PITPNA: variants seen among roughly 807,000 people sequenced by gnomAD.
The protein encoded by PITPNA is phosphatidylinositol transfer protein alpha.
Under a neutral mutation model 50.3 loss-of-function variants are expected in PITPNA, and 13 were observed. The observed-to-expected ratio is 0.26, with a 90% CI of 0.17 to 0.41. PITPNA has a LOEUF of 0.41. Ranked by LOEUF, PITPNA falls within the 10% of genes least tolerant of loss-of-function variation. The probability of loss-of-function intolerance (pLI) is 1.00; values close to 1 mark genes in which losing one functional copy is unlikely to be tolerated. For synonymous variants in PITPNA, 120 were observed against 119.6 expected (o/e 1.00, Z -0.02); for missense variants, 207 against 333.4 (o/e 0.62, Z 2.95).
intron 3 of PITPNA, among the ~76,000 whole-genome samples, chr17:1,548,745 C>T (rs904152905): frequency 1.3e-5 from 2 of 152,156 alleles, no homozygotes; most frequent in Non-Finnish European, 2.9e-5. Context: ...TGCCTCCAAG[C>T]ATGAACCAGT....
chr17:1,551,756 G>A (rs1475453404), intron 3 of PITPNA, among the ~76,000 whole-genome samples: 2 of 152,366 alleles, frequency 1.3e-5, no homozygotes, highest in Admixed American at 6.5e-5. Flanking sequence ...GGAGCAAAAC[G>A]AGACATGGAG....
At chr17:1,547,705 G>A (rs2075683965) in intron 4 of PITPNA, among the ~76,000 whole-genome samples, 1 of 151,310 alleles carries the variant, frequency 6.6e-6, no homozygotes, top group African/African-American at 2.4e-5. Flanking sequence ...TCGAGAAAAT[G>A]TGTCTGGGCT....
At chr17:1,533,360 C>T (rs1196264716) in intron 10 of PITPNA, among the ~76,000 whole-genome samples, 3 of 152,144 alleles carry the variant, frequency 2.0e-5, no homozygotes, top group Non-Finnish European at 4.4e-5. Context: ...CAGCATTGAG[C>T]TCTCAGAGCC....
At chr17:1,548,423 G>A (rs1196006678) in intron 3 of PITPNA, 36 bp from the exon 4 acceptor site, 2 of 1,433,822 alleles carry the variant, frequency 1.4e-6, no homozygotes, top group East Asian at 2.3e-5. Flanking sequence ...AAAGAGAAAT[G>A]GTAGAGAGAA....
chr17:1,530,883 G>A (rs2075578169), intron 10 of PITPNA, among the ~76,000 whole-genome samples: 1 of 152,170 alleles, frequency 6.6e-6, no homozygotes, highest in Admixed American at 6.5e-5. Flanking sequence ...AGGAGCTGCA[G>A]GTTCTGCAAA....
chr17:1,525,508 T>TC (rs1367689504), intron 10 of PITPNA, among the ~76,000 whole-genome samples: 1 of 145,682 alleles, frequency 6.9e-6, no homozygotes, highest in East Asian at 2.0e-4. Flanking sequence ...GGGAAACTTT[T>TC]TTTTTTTTTT....
intron 3 of PITPNA, among the ~76,000 whole-genome samples, chr17:1,551,024 G>A (rs8076213): frequency 7.1e-6 from 1 of 140,364 alleles, no homozygotes; most frequent in Non-Finnish European, 1.6e-5. Context: ...CGGAGTCAGC[G>A]GGACCTGATG....
At position 1,535,563 on chromosome 17, in the gene PITPNA, G is replaced by C. The variant is rs749096895; in HGVS notation, c.457-45C>G. The C allele has an allele frequency of 8.3e-6, 10 of 1,206,156 alleles. No homozygotes were observed. In the Middle Eastern group the frequency reaches 1.9e-3, roughly 226 times the overall value. 74.7% of individuals were successfully genotyped at this position (1,206,156 alleles called of 1,614,324 possible). ...TGGGGTTGGAGGGGAGTGGGAGAGG[G>C]AGTGAGAGATGGGGAGAACAGATCT... On this transcript the variant is annotated intron_variant, in intron 7 of 11. Coordinates refer to ENST00000313486, the MANE Select transcript of PITPNA (RefSeq NM_006224.4).
intron 6 of PITPNA, among the ~76,000 whole-genome samples, chr17:1,540,062 C>A (rs577147119): frequency 1.8e-4 from 28 of 152,206 alleles, no homozygotes; most frequent in African/African-American, 5.6e-4. Context: ...TGAGGGTAAA[C>A]GTCACTTCTG....
chr17:1,534,972 A>AC (rs1300770935), intron 9 of PITPNA, among the ~76,000 whole-genome samples: 42 of 151,664 alleles, frequency 2.8e-4, no homozygotes, highest in African/African-American at 9.7e-4. Flanking sequence ...TGGGCCAAAC[A>AC]CCCCCCACCG....
chr17:1,543,464 G>T (rs1016772557), intron 4 of PITPNA, among the ~76,000 whole-genome samples: 1 of 152,082 alleles, frequency 6.6e-6, no homozygotes, highest in South Asian at 2.1e-4. Flanking sequence ...CCTTCCTCTC[G>T]CTGTAATCAA....
rs2075500876 is a variant in PITPNA, at chr17:1,520,099, C to T, written c.*462G>A. 6.6e-6 allele frequency: 1 copy of T among 152,172 alleles called. No individual in the cohort carries two copies. The highest frequency in any genetic ancestry group is 6.5e-5 in the Admixed American group (1 of 15,272). 9.4% of individuals were successfully genotyped at this position (152,172 alleles called of 1,614,324 possible). The stretch of plus-strand genomic sequence containing the variant: ...ATCTTTAGCTCATCCCCGCTCCCCA[C>T]AGGAGCACTCAAAATTGCGAAGATC... On this transcript the variant is annotated 3_prime_UTR_variant, in exon 12 of 12. Coordinates refer to ENST00000313486, the MANE Select transcript of PITPNA (RefSeq NM_006224.4).
At chr17:1,526,682 C>A (rs2075550213) in intron 10 of PITPNA, among the ~76,000 whole-genome samples, 1 of 152,176 alleles carries the variant, frequency 6.6e-6, no homozygotes, top group Non-Finnish European at 1.5e-5. Flanking sequence ...AAGATGCAAC[C>A]TCCTACCAGG....
At chr17:1,546,978 T>C (rs2075677976) in intron 4 of PITPNA, among the ~76,000 whole-genome samples, 1 of 152,178 alleles carries the variant, frequency 6.6e-6, no homozygotes, top group African/African-American at 2.4e-5. Flanking sequence ...TGGAATACTA[T>C]GCAGCTATTA....
At chr17:1,561,825 C>T (rs924593010) in intron 1 of PITPNA, among the ~76,000 whole-genome samples, 2 of 152,154 alleles carry the variant, frequency 1.3e-5, no homozygotes, top group African/African-American at 4.8e-5. Flanking sequence ...TCACCCGATG[C>T]CTAAGGCGGC....
intron 7 of PITPNA, among the ~76,000 whole-genome samples, chr17:1,536,894 A>AG: frequency 1.0e-5 from 1 of 98,328 alleles, no homozygotes. Flanking sequence ...TGTCCGGCCG[A>AG]TTTTTTTTTT....
chr17:1,535,697 G>A (rs2075611586), intron 7 of PITPNA, 179 bp from the exon 8 acceptor site: 3 of 608,348 alleles, frequency 4.9e-6, no homozygotes, highest in Non-Finnish European at 8.8e-6. Flanking sequence ...TCAGAGGAGA[G>A]TTCTATGTGA....
Position 1,538,881 on chromosome 17 carries a change from T to C in PITPNA, c.444A>G (p.Gln148=). The C allele has an allele frequency of 6.2e-7, 1 of 1,612,506 alleles. No individual in the cohort carries two copies. Among genetic ancestry groups the C allele is most frequent in the Non-Finnish European group, 8.5e-7 (1 of 1,178,548 alleles). Residue 148 remains glutamine (Q), a synonymous_variant, in exon 7 of 12, where the codon CAA becomes CAG. Transcript: ENST00000313486. ...AVYIDIADRS[Q]VLSKDYKAEE... is the part of the protein sequence containing the mutation. ...AAACGGATCCTACCTTGCTGAGCACTTGGCTTCGATCTGCAATGTCTATAT... is the reference window on the plus strand; with the variant it reads ...AAACGGATCCTACCTTGCTGAGCACCTGGCTTCGATCTGCAATGTCTATAT...
rs368931026 is a variant in PITPNA, at chr17:1,521,581, T to A, written c.*20A>T. The stretch of plus-strand genomic sequence containing the variant: ...ACAGTGAGAAATTTGGTACGTACAG[T>A]GCAGAGGGGAAAGGCGGCTTTAGTC... On this transcript the variant is annotated splice_region_variant and 3_prime_UTR_variant, in exon 11 of 12. Transcript: ENST00000313486. The A allele has an allele frequency of 2.5e-6, 4 of 1,608,320 alleles. No homozygotes were observed. Among genetic ancestry groups the A allele is most frequent in the Non-Finnish European group, 3.4e-6 (4 of 1,174,842 alleles).
Sources: allele counts gnomAD v4.1 joint callset (sites outside exome capture counted in the v4.1 genomes callset), GRCh38; gene constraint gnomAD v4.1.1; transcripts MANE v1.5; gene names NCBI Gene and HGNC (gene_info 2026-07-23, HGNC 2026-07-21).